The following MAF variants were observed in gnomAD, a reference collection of about 807,000 sequenced individuals.
MAF encodes the protein transcription factor Maf.
In MAF, 10 loss-of-function variants were observed where a neutral mutation model predicts 22.0. The observed-to-expected ratio is 0.45, with a 90% CI of 0.28 to 0.77. MAF has a LOEUF of 0.77. Among genes scored for constraint, MAF ranks in the 30% least tolerant of loss-of-function variants. The probability of loss-of-function intolerance (pLI) is 0.12; values close to 1 mark genes in which losing one functional copy is unlikely to be tolerated. For synonymous variants in MAF, 337 were observed against 255.8 expected, an observed-to-expected ratio of 1.32 and a Z score of -3.03; for missense variants, 544 against 548.4, an observed-to-expected ratio of 0.99 and a Z score of 0.08.
the MAF span, among the ~76,000 whole-genome samples, chr16:79,441,787 C>A: frequency 6.6e-6 from 1 of 152,164 alleles, no homozygotes; most frequent in African/African-American, 2.4e-5. Flanking sequence ...TTTATTTCTA[C>A]TAGGAACCCC....
At chr16:79,456,289 C>T in the MAF span, among the ~76,000 whole-genome samples, 1 of 152,136 alleles carries the variant, frequency 6.6e-6, no homozygotes, top group African/African-American at 2.4e-5. Context: ...CTCCATTCCA[C>T]TCACTCCCAT....
chr16:79,272,383 G>C, the MAF span, among the ~76,000 whole-genome samples: 2 of 152,230 alleles, frequency 1.3e-5, no homozygotes, highest in African/African-American at 2.4e-5. Context: ...ACAGGCTCAG[G>C]CTGGGGCGGG....
At chr16:79,246,809 ATTGT>A in the MAF span, among the ~76,000 whole-genome samples, 1 of 151,606 alleles carries the variant, frequency 6.6e-6, no homozygotes, top group African/African-American at 2.4e-5. Flanking sequence ...CCAGTTGGAA[ATTGT>A]TTGTGTCCAT....
the MAF span, among the ~76,000 whole-genome samples, chr16:79,316,121 C>T: frequency 3.3e-5 from 5 of 152,144 alleles, no homozygotes; most frequent in African/African-American, 9.7e-5. Context: ...AAACAGAGCC[C>T]GACTCTACCT....
the MAF span, among the ~76,000 whole-genome samples, chr16:79,265,397 CCTCTCACTT>C: frequency 1.3e-5 from 2 of 152,248 alleles, no homozygotes; most frequent in Non-Finnish European, 2.9e-5. Context: ...CTCCCAGCCT[CCTCTCACTT>C]CTCTCTTTCG....
the MAF span, among the ~76,000 whole-genome samples, chr16:79,279,528 C>T: frequency 6.6e-6 from 1 of 152,178 alleles, no homozygotes; most frequent in Non-Finnish European, 1.5e-5. Flanking sequence ...CAGGACAGAA[C>T]AGAGATGCCC....
the MAF span, among the ~76,000 whole-genome samples, chr16:79,254,277 A>G: frequency 6.6e-6 from 1 of 152,110 alleles, no homozygotes; most frequent in Non-Finnish European, 1.5e-5. Flanking sequence ...CTACATTTAT[A>G]TATATGTAGT....
chr16:79,243,442 A>G, the MAF span, among the ~76,000 whole-genome samples: 1 of 152,062 alleles, frequency 6.6e-6, no homozygotes, highest in Non-Finnish European at 1.5e-5. Context: ...AAACACCTCT[A>G]TGCAAATAAA....
the MAF span, among the ~76,000 whole-genome samples, chr16:79,531,402 G>C: frequency 2.6e-5 from 4 of 151,956 alleles, no homozygotes; most frequent in Non-Finnish European, 5.9e-5. Context: ...GAGTGGGGTG[G>C]GGATGTTTTC....
chr16:79,468,512 G>C, the MAF span, among the ~76,000 whole-genome samples: 1 of 152,212 alleles, frequency 6.6e-6, no homozygotes, highest in Non-Finnish European at 1.5e-5. Flanking sequence ...ATGTATTTTG[G>C]TGTCAGTGAA....
the MAF span, among the ~76,000 whole-genome samples, chr16:79,333,877 G>C: frequency 6.6e-6 from 1 of 152,074 alleles, no homozygotes; most frequent in South Asian, 2.1e-4. Flanking sequence ...ACCTCACCTG[G>C]ATCTGGTGAT....
the MAF span, among the ~76,000 whole-genome samples, chr16:79,245,584 T>G: frequency 5.3e-3 from 803 of 152,062 alleles, 7 homozygotes; most frequent in African/African-American, 0.018. Flanking sequence ...TGTGGAGAAA[T>G]AGGAACACTT....
the MAF span, among the ~76,000 whole-genome samples, chr16:79,563,178 C>G: frequency 1.5e-4 from 23 of 152,116 alleles, 1 homozygote; most frequent in Admixed American, 1.5e-3. Context: ...AAAGCTAAAC[C>G]TCAATCTGGC....
the MAF span, among the ~76,000 whole-genome samples, chr16:79,441,971 G>C: frequency 3.9e-5 from 6 of 152,216 alleles, no homozygotes; most frequent in Non-Finnish European, 8.8e-5. Context: ...GTCATGTGAA[G>C]GCTATAGGCA....
At chr16:79,318,604 A>T in the MAF span, among the ~76,000 whole-genome samples, 1 of 152,216 alleles carries the variant, frequency 6.6e-6, no homozygotes, top group Non-Finnish European at 1.5e-5. Context: ...CCTTGGCGCA[A>T]CATCACTAGT....
At chr16:79,236,693 G>A in the MAF span, among the ~76,000 whole-genome samples, 1 of 151,956 alleles carries the variant, frequency 6.6e-6, no homozygotes, top group Admixed American at 6.6e-5. Context: ...TGTCCTCTGA[G>A]TAGGCCTTCT....
the MAF span, among the ~76,000 whole-genome samples, chr16:79,475,951 G>C: frequency 5.3e-5 from 8 of 152,250 alleles, no homozygotes; most frequent in East Asian, 1.9e-4. Flanking sequence ...TGTTACATTA[G>C]ATAGAAAAGG....
chr16:79,247,177 C>G, the MAF span, among the ~76,000 whole-genome samples: 1 of 152,176 alleles, frequency 6.6e-6, no homozygotes, highest in African/African-American at 2.4e-5. Context: ...TCAAGTCCTG[C>G]CTGGTGAGCA....
chr16:79,591,093 A>T (rs996346513), downstream of MAF, among the ~76,000 whole-genome samples: 1 of 152,152 alleles, frequency 6.6e-6, no homozygotes, highest in Non-Finnish European at 1.5e-5. Context: ...CTTCCTATCC[A>T]GTTCTATAAG....
Sources: allele counts gnomAD v4.1 joint callset (sites outside exome capture counted in the v4.1 genomes callset), GRCh38; gene constraint gnomAD v4.1.1; transcripts MANE v1.5; gene names NCBI Gene and HGNC (gene_info 2026-07-23, HGNC 2026-07-21).